FRYL: variants seen among roughly 807,000 people sequenced by gnomAD.
FRYL encodes FRY like transcription coactivator.
FRYL carries 150 observed loss-of-function variants against 351.2 expected under a neutral mutation model. The ratio of observed to expected loss-of-function variants is 0.43; its 90% confidence interval spans 0.37 to 0.49. The LOEUF (loss-of-function observed/expected upper bound fraction) is 0.49. Among genes scored for constraint, FRYL ranks in the 20% least tolerant of loss-of-function variants. The pLI is 0.00. For missense variants in FRYL, 3,036 were observed against 3,619.3 expected, an observed-to-expected ratio of 0.84 and a Z score of 4.13; for synonymous variants, 1,153 against 1,257.1, an observed-to-expected ratio of 0.92 and a Z score of 1.75.
intron 3 of FRYL, among the ~76,000 whole-genome samples, chr4:48,638,977 G>A (rs1754811897): frequency 6.6e-6 from 1 of 151,976 alleles, no homozygotes; most frequent in African/African-American, 2.4e-5. Context: ...GCTAAGGGAG[G>A]GATAGCATTA....
chr4:48,540,792 ACCT>A lies in FRYL; in HGVS notation c.5853_5855del (p.Gly1952del). ...CCAGTGTGTTACTCCGCCGCCGGTC[ACCT>A]CGTCGGTCACCAATCAAACTTAATC... On this transcript the variant is annotated inframe_deletion, in exon 46 of 64. Coordinates refer to ENST00000358350, the MANE Select transcript of FRYL (RefSeq NM_015030.2). 1 of 1,613,954 alleles carries A rather than the reference ACCT, an allele frequency of 6.2e-7. No individual in the cohort carries two copies. The highest frequency in any genetic ancestry group is 8.5e-7 in the Non-Finnish European group (1 of 1,179,938).
intron 3 of FRYL, chr4:48,653,813 CAGCAGCAGCAGCAGCAGCAGAAGCAGA>C: frequency 1.2e-5 from 4 of 325,396 alleles, no homozygotes; most frequent in South Asian, 7.4e-5. Context: ...GCAAAAGCAG[CAGCAGCAGCAGCAGCAGCAGAAGCAGA>C]AGCAGCAGCA....
intron 35 of FRYL, among the ~76,000 whole-genome samples, chr4:48,554,719 C>A (rs1207364725): frequency 6.6e-6 from 1 of 152,112 alleles, no homozygotes; most frequent in African/African-American, 2.4e-5. Flanking sequence ...CTTGCTAATT[C>A]TCTCTATTTT....
chr4:48,575,612 T>G (rs1325265494), intron 24 of FRYL, among the ~76,000 whole-genome samples: 1 of 152,254 alleles, frequency 6.6e-6, no homozygotes, highest in Non-Finnish European at 1.5e-5. Flanking sequence ...TTTGTCATTT[T>G]CATGAAAACT....
intron 1 of FRYL, among the ~76,000 whole-genome samples, chr4:48,764,862 C>T (rs893489825): frequency 1.3e-5 from 2 of 151,754 alleles, no homozygotes; most frequent in African/African-American, 2.4e-5. Flanking sequence ...TTTTTTTCCC[C>T]GAGATGAAGT....
At position 48,553,321 on chromosome 4, in the gene FRYL, C is replaced by T. The variant is rs1429907319; in HGVS notation, c.4329G>A (p.Val1443=). ...DKTMQLLEEL[V]SELQLTDPVS... is the part of the protein sequence containing the mutation. ...CAGGATCGGTCAGCTGAAGCTCACT[C>T]ACCAGCTCTTCTAGCAACTGCATTG... Residue 1443 remains valine, a synonymous_variant, in exon 36 of 64, where the codon GTG becomes GTA. Coordinates refer to ENST00000358350, the MANE Select transcript of FRYL (RefSeq NM_015030.2). 1 of 1,612,886 alleles carries T rather than the reference C, an allele frequency of 6.2e-7. No individual in the cohort carries two copies. Among genetic ancestry groups the T allele is most frequent in the South Asian group, 1.1e-5 (1 of 91,048 alleles).
chr4:48,609,083 A>G lies in FRYL; in HGVS notation c.492-16T>C. ...TCCTGAATATCTAAAATAACAAAAG[A>G]ACAAACATAACATTTCATTAAATTT... is the stretch of plus-strand genomic sequence containing the variant. On this transcript the variant is annotated splice_polypyrimidine_tract_variant and intron_variant, in intron 8 of 63. Coordinates refer to ENST00000358350, the MANE Select transcript of FRYL (RefSeq NM_015030.2). 1 of 1,459,842 alleles carries G rather than the reference A, an allele frequency of 6.9e-7. No homozygotes were observed. The highest frequency in any genetic ancestry group is 1.2e-5 in the South Asian group (1 of 85,178). The allele number at this position is 1,459,842 out of a possible 1,614,324, so 90.4% of individuals were successfully genotyped here.
chr4:48,521,291 AT>A, intron 54 of FRYL, 76 bp from the exon 55 acceptor site: 1 of 1,065,728 alleles, frequency 9.4e-7, no homozygotes, highest in Non-Finnish European at 1.4e-6. Context: ...ATCATAAAAT[AT>A]TTTAGGGGCT....
chr4:48,607,625 C>T (rs62309682), intron 9 of FRYL, among the ~76,000 whole-genome samples: 13 of 152,138 alleles, frequency 8.5e-5, no homozygotes, highest in Admixed American at 8.5e-4. Context: ...TCCTTCTCTT[C>T]CCCACTCCCA....
chr4:48,573,134 T>C (rs1169295874), intron 26 of FRYL, 52 bp downstream of exon 26: 2 of 1,359,578 alleles, frequency 1.5e-6, no homozygotes, highest in Non-Finnish European at 2.1e-6. Context: ...AACATGTAAA[T>C]ATGGCAGAAA....
intron 4 of FRYL, among the ~76,000 whole-genome samples, chr4:48,625,384 A>G (rs1407971147): frequency 6.6e-6 from 1 of 152,244 alleles, no homozygotes; most frequent in African/African-American, 2.4e-5. Context: ...ACTTTGGGTC[A>G]GTAAGTCATG....
chr4:48,584,577 C>T (rs75692440), intron 19 of FRYL, among the ~76,000 whole-genome samples: 2,111 of 152,298 alleles, frequency 0.014, 21 homozygotes, highest in Non-Finnish European at 0.024. Flanking sequence ...AAGAGAGTGA[C>T]AGTCCTCAAT....
At chr4:48,632,292 T>A (rs950304361) in intron 4 of FRYL, among the ~76,000 whole-genome samples, 2 of 149,770 alleles carry the variant, frequency 1.3e-5, no homozygotes, top group Non-Finnish European at 3.0e-5. Flanking sequence ...TCCTAAGTGT[T>A]CATTATACCA....
Position 48,602,047 on chromosome 4 carries a change from G to A in FRYL, c.1008C>T (p.Phe336=), listed in dbSNP as rs1276048270. 6.9e-6 allele frequency: 11 copies of A among 1,593,578 alleles called. No individual in the cohort carries two copies. The highest frequency in any genetic ancestry group is 1.7e-4 in the Middle Eastern group (1 of 5,992). The part of the protein sequence containing the change: ...KQFFLNNWHI[F]LQNCLSHLKN... Reference sequence around the variant, plus strand: ...TTAAATGTGACAAACAGTTCTGTAGGAAAATATGCCAGTTATTTAAAAAAA... The same window carrying A: ...TTAAATGTGACAAACAGTTCTGTAGAAAAATATGCCAGTTATTTAAAAAAA... The change falls in exon 13 of 64, where the codon TTC becomes TTT. Residue 336 remains phenylalanine (F), a synonymous_variant. Transcript: ENST00000358350.
intron 3 of FRYL, among the ~76,000 whole-genome samples, chr4:48,656,266 C>T (rs1466818029): frequency 2.5e-5 from 1 of 39,386 alleles, no homozygotes; most frequent in Non-Finnish European, 4.5e-5. Flanking sequence ...TTTGAATATA[C>T]ATTATTCAAA....
At chr4:48,764,767 C>T (rs1250203420) in intron 1 of FRYL, among the ~76,000 whole-genome samples, 1 of 152,128 alleles carries the variant, frequency 6.6e-6, no homozygotes, top group Non-Finnish European at 1.5e-5. Flanking sequence ...TAAAAACAAC[C>T]ATACTACTCA....
At position 48,609,018 on chromosome 4, in the gene FRYL, C is replaced by T. The variant is rs1327129491; in HGVS notation, c.541G>A (p.Ala181Thr). ...GNVHIIADLYAEVIGVLAQSK... is the reference protein window; with the variant it reads ...GNVHIIADLYTEVIGVLAQSK... Reference sequence around the variant, plus strand: ...TGGGCAAGAACCCCTATCACCTCTGCATATAAATCAGCAATAATATGCACA... The same window carrying T: ...TGGGCAAGAACCCCTATCACCTCTGTATATAAATCAGCAATAATATGCACA... The change falls in exon 9 of 64, where the codon GCA becomes ACA. Residue 181 changes from alanine (A) to threonine (T), a missense_variant. Ala to Thr is a moderately conservative substitution (Grantham distance 58, BLOSUM62 0). Transcript: ENST00000358350. 1 of 1,610,252 alleles carries T rather than the reference C, an allele frequency of 6.2e-7. No homozygotes were observed. Among genetic ancestry groups the T allele is most frequent in the Admixed American group, 1.7e-5 (1 of 59,930 alleles).
chr4:48,507,062 CTTAA>C (rs1272828544), intron 59 of FRYL, among the ~76,000 whole-genome samples: 2 of 152,156 alleles, frequency 1.3e-5, no homozygotes, highest in Non-Finnish European at 2.9e-5. Context: ...TATTTATACA[CTTAA>C]TTATGCCTTA....
At chr4:48,636,857 A>C (rs748394485) in intron 3 of FRYL, 8 of 152,128 alleles carry the variant, frequency 5.3e-5, no homozygotes, top group Non-Finnish European at 1.2e-4. Flanking sequence ...AAATTCCAAA[A>C]TAAATTTCAA....
Sources: gnomAD v4.1 joint callset for allele counts (sites outside exome capture counted in the v4.1 genomes callset) on GRCh38, gnomAD v4.1.1 for gene constraint, MANE v1.5 for transcripts, NCBI Gene and HGNC (gene_info 2026-07-23, HGNC 2026-07-21) for gene names.